The following DAB2IP variants were observed in gnomAD, a reference collection of about 807,000 sequenced individuals.
The protein encoded by DAB2IP is disabled homolog 2-interacting protein.
Under a neutral mutation model 107.2 loss-of-function variants are expected in DAB2IP, and 28 were observed. The observed-to-expected ratio is 0.26, with a 90% confidence interval of 0.19 to 0.36. The LOEUF (loss-of-function observed/expected upper bound fraction) is 0.36, where lower values mean the gene tolerates loss of function less well. Ranked by LOEUF, DAB2IP falls within the 10% of genes least tolerant of loss-of-function variation. The probability of loss-of-function intolerance (pLI) is 1.00; values close to 1 mark genes in which losing one functional copy is unlikely to be tolerated. For synonymous variants in DAB2IP, 755 were observed against 706.4 expected (o/e 1.07, Z -1.09); for missense variants, 1,400 against 1,644.7 (o/e 0.85, Z 2.57).
intron 1 of DAB2IP, among the ~76,000 whole-genome samples, chr9:121,665,885 C>T (rs956666244): frequency 1.3e-5 from 2 of 152,208 alleles, no homozygotes; most frequent in Non-Finnish European, 2.9e-5. Flanking sequence ...ACCTGTATCT[C>T]TCTATCTTTA....
At chr9:121,689,799 G>A (rs866466724) in intron 2 of DAB2IP, among the ~76,000 whole-genome samples, 3 of 152,222 alleles carry the variant, frequency 2.0e-5, no homozygotes, top group South Asian at 4.1e-4. Context: ...CACCAGGGAG[G>A]CACAACAAAG....
chr9:121,737,401 G>T, intron 3 of DAB2IP: 1 of 985,466 alleles, frequency 1.0e-6, no homozygotes, highest in East Asian at 1.1e-4. Context: ...TGAAATTTCA[G>T]CTTGGAAGAC....
intron 8 of DAB2IP, among the ~76,000 whole-genome samples, chr9:121,764,997 G>T (rs974416402): frequency 1.3e-5 from 2 of 152,206 alleles, no homozygotes; most frequent in Non-Finnish European, 2.9e-5. Context: ...ACAAGAAAAG[G>T]CAGGGGGAAT....
intron 3 of DAB2IP, among the ~76,000 whole-genome samples, chr9:121,712,589 A>G (rs555815148): frequency 3.9e-5 from 6 of 152,218 alleles, no homozygotes; most frequent in African/African-American, 1.2e-4. Context: ...TTTCCCTCTG[A>G]CGCATGGCCT....
intron 1 of DAB2IP, among the ~76,000 whole-genome samples, chr9:121,665,827 G>C (rs1157399304): frequency 6.6e-6 from 1 of 152,224 alleles, no homozygotes; most frequent in Non-Finnish European, 1.5e-5. Context: ...AAAGAGGAGA[G>C]ATGGGAGCCC....
exon 5 of DAB2IP, chr9:121,758,974 G>A (rs368193656): frequency 1.7e-5 from 27 of 1,612,824 alleles, no homozygotes; most frequent in East Asian, 6.7e-5. Flanking sequence ...GAGAACCTCC[G>A]GCGAGCGGTG....
rs1833722800 is a variant in DAB2IP at position 121,759,362 on chromosome 9, G to C, written c.615+366G>C. On this transcript the variant is annotated intron_variant, in intron 5 of 15. Transcript: ENST00000408936. ...GCCCCTCCTCCAGGTGAGGACCCCT[G>C]TCCCAGGCTGGTGCCCTCTGTGTTC... 2.0e-5 allele frequency among the ~76,000 whole-genome samples: 3 copies of C among 152,208 alleles called. No individual in the cohort carries two copies. The South Asian group carries it at 6.2e-4, about 32-fold the overall frequency.
Position 121,776,512 on chromosome 9 carries a change from G to C in DAB2IP, c.3314+121G>C. ...ATAAGCTGAATGTGGAGAGAGGAGG[G>C]AAGAGAGTGTCTGGGCAGTGGGAGC... On this transcript the variant is annotated intron_variant, in intron 14 of 15. Coordinates refer to ENST00000408936, the Ensembl canonical transcript of DAB2IP. This position sits in a 1 kb window ranked among gnomAD's most constrained non-coding sequence, Gnocchi z 5.4. The C allele has an allele frequency of 8.5e-7, 1 of 1,176,578 alleles. No homozygotes were observed. The highest frequency in any genetic ancestry group is 1.2e-6 in the Non-Finnish European group (1 of 858,890). 72.9% of individuals were successfully genotyped at this position (1,176,578 alleles called of 1,614,324 possible).
At chr9:121,689,762 C>T (rs75732590) in intron 2 of DAB2IP, among the ~76,000 whole-genome samples, 4 of 152,236 alleles carry the variant, frequency 2.6e-5, no homozygotes, top group East Asian at 1.9e-4. Flanking sequence ...AGACTCCCCC[C>T]CCATGTGTTG....
At chr9:121,582,159 A>G (rs883095) in intron 1 of DAB2IP, among the ~76,000 whole-genome samples, 43,252 of 151,800 alleles carry the variant, frequency 0.28, 6,938 homozygotes, top group South Asian at 0.46. Context: ...TTGGAAGCTA[A>G]TGTGCCTGAG....
chr9:121,579,035 G>A (rs1186210092), intron 1 of DAB2IP, among the ~76,000 whole-genome samples: 1 of 151,994 alleles, frequency 6.6e-6, no homozygotes, highest in Non-Finnish European at 1.5e-5. Flanking sequence ...CAGTCCTCTC[G>A]GGTGAGGCTC....
chr9:121,782,818 C>A lies in DAB2IP; in HGVS notation c.*320C>A. 1.7e-6 allele frequency: 2 copies of A among 1,162,378 alleles called. No homozygotes were observed. Among genetic ancestry groups the A allele is most frequent in the Non-Finnish European group, 2.1e-6 (2 of 938,536 alleles). The allele number at this position is 1,162,378 out of a possible 1,614,324, so 72.0% of individuals were successfully genotyped here. ...TTCCTGAATGTGGTGTGTCCTTGTCCTCCTGGATCTGGCCGAGTGCATGTG... is the reference window on the plus strand; with the variant it reads ...TTCCTGAATGTGGTGTGTCCTTGTCATCCTGGATCTGGCCGAGTGCATGTG... On this transcript the variant is annotated 3_prime_UTR_variant, in exon 16 of 16. Transcript: ENST00000408936. This position sits in a 1 kb window ranked among gnomAD's most constrained non-coding sequence, Gnocchi z 6.1.
chr9:121,775,514 G>C (rs369957300), intron 13 of DAB2IP, among the ~76,000 whole-genome samples: 3 of 152,176 alleles, frequency 2.0e-5, no homozygotes, highest in Non-Finnish European at 4.4e-5. Flanking sequence ...GGCCCCTCTC[G>C]ATCCCGGCGT....
intron 1 of DAB2IP, among the ~76,000 whole-genome samples, chr9:121,671,778 T>C (rs1378419589): frequency 1.4e-4 from 22 of 152,226 alleles, no homozygotes. Flanking sequence ...ATGTGAATAG[T>C]GTCCTCCCTT....
At chr9:121,742,026 C>T (rs781199015) in intron 3 of DAB2IP, among the ~76,000 whole-genome samples, 7 of 152,098 alleles carry the variant, frequency 4.6e-5, no homozygotes, top group Non-Finnish European at 1.0e-4. Flanking sequence ...ACTTATTTGG[C>T]TTCCAGGCAT....
At chr9:121,693,588 C>T (rs997077390) in intron 2 of DAB2IP, among the ~76,000 whole-genome samples, 10 of 152,362 alleles carry the variant, frequency 6.6e-5, no homozygotes, top group African/African-American at 2.4e-4. Flanking sequence ...TGGGAGGAGC[C>T]GGGCCTTGGC....
chr9:121,641,931 TTCTTTC>T (rs1350324255), intron 1 of DAB2IP, among the ~76,000 whole-genome samples: 2 of 140,824 alleles, frequency 1.4e-5, no homozygotes, highest in African/African-American at 5.4e-5. Flanking sequence ...CTTTCTTTCT[TTCTTTC>T]TCTCTTTCTT....
chr9:121,579,289 T>G (rs779809295), intron 1 of DAB2IP, among the ~76,000 whole-genome samples: 2 of 151,822 alleles, frequency 1.3e-5, no homozygotes, highest in Non-Finnish European at 2.9e-5. Context: ...GTAGTTATAA[T>G]CATTTGTGTT....
At chr9:121,581,926 A>G (rs917164775) in intron 1 of DAB2IP, among the ~76,000 whole-genome samples, 7 of 152,330 alleles carry the variant, frequency 4.6e-5, no homozygotes, top group African/African-American at 1.7e-4. Context: ...CCCCGGGCTC[A>G]TTAAGTGCTA....
Sources: allele counts gnomAD v4.1 joint callset (sites outside exome capture counted in the v4.1 genomes callset), GRCh38; gene constraint gnomAD v4.1.1; non-coding constraint Gnocchi (gnomAD v3.1); transcripts MANE v1.5; gene names NCBI Gene and HGNC (gene_info 2026-07-23, HGNC 2026-07-21).